Variants in KIAA1217 observed in about 807,000 individuals in gnomAD.
KIAA1217 encodes the protein KIAA1217, also known as sickle tail protein homolog.
A neutral mutation model predicts 163.9 loss-of-function variants in KIAA1217; 88 were observed. The observed-to-expected ratio is 0.54, with a 90% CI of 0.45 to 0.64. The LOEUF (loss-of-function observed/expected upper bound fraction) is 0.64. Among genes scored for constraint, KIAA1217 ranks in the 30% least tolerant of loss-of-function variants. The pLI, the probability that KIAA1217 is intolerant of heterozygous loss-of-function variation, is 0.00. For synonymous variants in KIAA1217, 903 were observed against 923.1 expected, an observed-to-expected ratio of 0.98 and a Z score of 0.39; for missense variants, 2,372 against 2,475.0, an observed-to-expected ratio of 0.96 and a Z score of 0.88.
rs780312492 is a variant in KIAA1217, at chr10:24,373,080, C to T, written c.355-7789C>T. Among the ~76,000 whole-genome samples, 122 of 152,292 alleles carry T rather than the reference C, an allele frequency of 8.0e-4. 1 individual carries two copies. The highest frequency in any genetic ancestry group is 1.5e-3 in the South Asian group (7 of 4,822). On this transcript the variant is annotated intron_variant, in intron 2 of 20. Transcript: ENST00000376454. ...AAACCAGGCCAGGGCCTCTGAGTCT[C>T]CTGGGACTTATAGTGAATTGCTTTC...
At chr10:24,160,885 A>G (rs1337855059) in intron 2 of KIAA1217, among the ~76,000 whole-genome samples, 1 of 152,226 alleles carries the variant, frequency 6.6e-6, no homozygotes, top group Non-Finnish European at 1.5e-5. Context: ...GCTAAAATTG[A>G]AATACCAAAG....
At chr10:24,085,057 G>T (rs1342907001) in intron 2 of KIAA1217, among the ~76,000 whole-genome samples, 1 of 151,882 alleles carries the variant, frequency 6.6e-6, no homozygotes, top group African/African-American at 2.4e-5. Context: ...GGGACTACAG[G>T]CGCCCGCCAC....
In KIAA1217 at chr10:23,775,107, A is replaced by ACAGC. The variant is rs535574233; in HGVS notation, c.-321+79875_-321+79878dup. Among the ~76,000 whole-genome samples the ACAGC allele has an allele frequency of 2.9e-3, 439 of 152,256 alleles. 2 individuals carry two copies. The highest frequency in any genetic ancestry group is 5.0e-3 in the Non-Finnish European group (342 of 68,016). The stretch of plus-strand genomic sequence containing the variant: ...TGTGATCAGATGCATTTTTATAAAG[A>ACAGC]CAGCCTCAGGCAGTGAGTCCATTAA... On this transcript the variant is annotated intron_variant, in intron 1 of 18. Transcript: ENST00000376462.
intron 2 of KIAA1217, among the ~76,000 whole-genome samples, chr10:24,297,728 C>G (rs560664035): frequency 6.6e-6 from 1 of 151,922 alleles, no homozygotes; most frequent in Admixed American, 6.6e-5. Flanking sequence ...TGCATTCCAG[C>G]CTGGGCAACA....
chr10:23,932,420 A>C (rs1167493860), intron 1 of KIAA1217, among the ~76,000 whole-genome samples: 1 of 152,140 alleles, frequency 6.6e-6, no homozygotes, highest in East Asian at 1.9e-4. Context: ...GTCTTAAAAA[A>C]AAAAAAGTGC....
intron 1 of KIAA1217, among the ~76,000 whole-genome samples, chr10:23,894,006 A>G (rs961501620): frequency 4.8e-4 from 73 of 152,166 alleles, no homozygotes; most frequent in African/African-American, 1.7e-3. Flanking sequence ...AATAAGAACT[A>G]TCTATGACAA....
At chr10:24,077,368 T>A (rs534555442) in intron 2 of KIAA1217, among the ~76,000 whole-genome samples, 1 of 152,148 alleles carries the variant, frequency 6.6e-6, no homozygotes, top group Non-Finnish European at 1.5e-5. Context: ...GGCCCCAGTG[T>A]GTGTTGTTAC....
At chr10:23,987,968 A>G (rs1846053885) in intron 1 of KIAA1217, among the ~76,000 whole-genome samples, 1 of 152,224 alleles carries the variant, frequency 6.6e-6, no homozygotes, top group African/African-American at 2.4e-5. Context: ...GCTTTTGTTT[A>G]TGTGGGTTCT....
At chr10:24,346,495 C>T (rs1361153041) in intron 2 of KIAA1217, among the ~76,000 whole-genome samples, 36 of 148,870 alleles carry the variant, frequency 2.4e-4, no homozygotes, top group Non-Finnish European at 1.9e-4. Context: ...AATAATATTT[C>T]TTTGTATGTC....
chr10:24,250,439 C>T (rs1590221051), intron 2 of KIAA1217, among the ~76,000 whole-genome samples: 1 of 144,148 alleles, frequency 6.9e-6, no homozygotes, highest in African/African-American at 2.6e-5. Flanking sequence ...ACATTTGGCA[C>T]TTTTTTTTTT....
rs547249912 is a variant in KIAA1217 at position 23,998,340 on chromosome 10, A to AGGTT, written c.-320-8883_-320-8880dup. ...CCTCAATGCAGAAAAGGACCCCAAG[A>AGGTT]GGTTGTCTGGTCTGCATCCAAATCT... On this transcript the variant is annotated intron_variant, in intron 1 of 18. Transcript: ENST00000376462. Among the ~76,000 whole-genome samples the AGGTT allele has an allele frequency of 7.1e-3, 1,081 of 152,304 alleles. 4 individuals are homozygous for AGGTT. The highest frequency in any genetic ancestry group is 0.01 in the Non-Finnish European group (714 of 68,022).
Position 24,089,146 on chromosome 10 carries a change from G to T in KIAA1217, c.-171+81772G>T, listed in dbSNP as rs1475872284. Reference sequence around the variant, plus strand: ...CGCCCAGTTGCTGATGGGGTTGTTTGTTTTTTTCTTGTAAATTTGTTTGTG... The same window carrying T: ...CGCCCAGTTGCTGATGGGGTTGTTTTTTTTTTTCTTGTAAATTTGTTTGTG... On this transcript the variant is annotated intron_variant, in intron 2 of 18. Transcript: ENST00000376462. Among the ~76,000 whole-genome samples the T allele has an allele frequency of 4.2e-4, 52 of 124,776 alleles. 2 individuals carry two copies. The highest frequency in any genetic ancestry group is 1.3e-3 in the African/African-American group (50 of 39,882). 81.9% of individuals were successfully genotyped at this position (124,776 alleles called of 152,430 possible).
intron 1 of KIAA1217, among the ~76,000 whole-genome samples, chr10:23,999,826 A>G (rs1846659461): frequency 6.6e-6 from 1 of 152,156 alleles, no homozygotes; most frequent in South Asian, 2.1e-4. Context: ...TTGGGAGGCC[A>G]AGGCGAGAGG....
Position 24,546,553 on chromosome 10 carries a change from A to C in KIAA1217, c.*229A>C. ...TACAGTCTATACTCAATACCTATAA[A>C]ATGCAGTAAGCATGTGTTACAGAAA... On this transcript the variant is annotated 3_prime_UTR_variant, in exon 21 of 21. Coordinates refer to ENST00000376454, the MANE Select transcript of KIAA1217 (RefSeq NM_019590.5). 1 of 455,714 alleles carries C rather than the reference A, an allele frequency of 2.2e-6. No individual in the cohort carries two copies. The highest frequency in any genetic ancestry group is 3.8e-6 in the Non-Finnish European group (1 of 261,988). 28.2% of individuals were successfully genotyped at this position (455,714 alleles called of 1,614,324 possible).
At chr10:23,894,673 G>A (rs575460062) in intron 1 of KIAA1217, among the ~76,000 whole-genome samples, 15 of 147,974 alleles carry the variant, frequency 1.0e-4, no homozygotes, top group East Asian at 7.9e-4. Context: ...AAAAGAGCCC[G>A]CATCGCCAAG....
chr10:24,320,951 G>A (rs1038753963), intron 2 of KIAA1217, among the ~76,000 whole-genome samples: 8 of 151,978 alleles, frequency 5.3e-5, no homozygotes, highest in African/African-American at 1.7e-4. Flanking sequence ...GGAAGCTGAG[G>A]CAGGAGAATG....
chr10:24,467,808 GTGTGTA>G (rs2063106156), intron 5 of KIAA1217, among the ~76,000 whole-genome samples: 1 of 131,940 alleles, frequency 7.6e-6, no homozygotes, highest in Admixed American at 7.7e-5. Context: ...GTGTATGTGT[GTGTGTA>G]TGTGTGTGTG....
chr10:24,155,805 CAGTG>C (rs1360207551), intron 2 of KIAA1217, among the ~76,000 whole-genome samples: 3 of 151,724 alleles, frequency 2.0e-5, no homozygotes, highest in Admixed American at 6.6e-5. Context: ...CCTGGTGACA[CAGTG>C]AGACTCTGAC....
chr10:24,537,311 C>T (rs1175970938), intron 17 of KIAA1217, among the ~76,000 whole-genome samples: 2 of 152,254 alleles, frequency 1.3e-5, no homozygotes, highest in African/African-American at 2.4e-5. Context: ...TGCAGTGGCT[C>T]ACGCTTGTAA....
Sources: allele counts gnomAD v4.1 joint callset (sites outside exome capture counted in the v4.1 genomes callset), GRCh38; gene constraint gnomAD v4.1.1; transcripts MANE v1.5; gene names NCBI Gene and HGNC (gene_info 2026-07-23, HGNC 2026-07-21).